The following PDZD9 variants were observed in gnomAD, a reference collection of about 807,000 sequenced individuals.
PDZD9 encodes PDZ domain containing 9.
Under a neutral mutation model 16.3 loss-of-function variants are expected in PDZD9, and 13 were observed. The ratio of observed to expected loss-of-function variants is 0.80; its 90% CI spans 0.52 to 1.27. The LOEUF (loss-of-function observed/expected upper bound fraction) is 1.27. Ranked by LOEUF, PDZD9 falls within the 50% of genes most tolerant of loss-of-function variation. The pLI is 0.00. For missense variants in PDZD9, 288 were observed against 310.9 expected (o/e 0.93, Z 0.55); for synonymous variants, 120 against 111.0 (o/e 1.08, Z -0.51).
At chr16:21,987,763 G>T (rs1898913988) in intron 3 of PDZD9, among the ~76,000 whole-genome samples, 1 of 152,136 alleles carries the variant, frequency 6.6e-6, no homozygotes, top group Non-Finnish European at 1.5e-5. Context: ...GATTGAAGTG[G>T]GTGGAGGAGT....
At chr16:21,973,151 T>C in the PDZD9 span, among the ~76,000 whole-genome samples, 1 of 152,286 alleles carries the variant, frequency 6.6e-6, no homozygotes, top group African/African-American at 2.4e-5. Flanking sequence ...CTTCTTATGC[T>C]TTACGTGGAC....
chr16:21,968,574 C>A, the PDZD9 span: 3 of 1,478,298 alleles, frequency 2.0e-6, no homozygotes, highest in Non-Finnish European at 2.7e-6. Flanking sequence ...TATGTTTTTA[C>A]AGCTTTTTAT....
chr16:21,999,596 T>C (rs1597985393), intron 1 of PDZD9: 1 of 152,228 alleles, frequency 6.6e-6, no homozygotes, highest in East Asian at 1.9e-4. Context: ...CAACCTCAAG[T>C]CTTATCAAAT....
chr16:21,971,821 A>G, the PDZD9 span: 1 of 1,535,968 alleles, frequency 6.5e-7, no homozygotes, highest in Admixed American at 1.7e-5. Flanking sequence ...GAGCTGCAGA[A>G]AAGACTCGTG....
chr16:22,000,957 G>T, intron 1 of PDZD9, 60 bp downstream of exon 1: 1 of 1,501,852 alleles, frequency 6.7e-7, no homozygotes, highest in South Asian at 1.2e-5. Flanking sequence ...TACAGAGGAG[G>T]AACATTGACG....
At chr16:21,962,879 C>T in the PDZD9 span, 1 of 1,613,890 alleles carries the variant, frequency 6.2e-7, no homozygotes, top group South Asian at 1.1e-5. Flanking sequence ...TCAGAATCCG[C>T]AGACTCGTAA....
At chr16:21,975,691 A>C in the PDZD9 span, among the ~76,000 whole-genome samples, 4 of 152,304 alleles carry the variant, frequency 2.6e-5, no homozygotes, top group South Asian at 2.1e-4. Flanking sequence ...TGTATGGATT[A>C]CTACTCTCTT....
chr16:21,992,908 T>A (rs1899057961), intron 2 of PDZD9, among the ~76,000 whole-genome samples: 1 of 151,948 alleles, frequency 6.6e-6, no homozygotes, highest in African/African-American at 2.4e-5. Flanking sequence ...ATCACGGGGG[T>A]GGTTTCCCCC....
At chr16:21,973,802 G>C in the PDZD9 span, 1 of 1,098,902 alleles carries the variant, frequency 9.1e-7, no homozygotes, top group South Asian at 1.4e-5. Flanking sequence ...TGTTTATACC[G>C]TGAAGGTCCA....
chr16:21,983,147 T>C (rs753006670), downstream of PDZD9: 1 of 1,614,116 alleles, frequency 6.2e-7, no homozygotes, highest in Admixed American at 1.7e-5. Context: ...ATTTGGGACA[T>C]ACACCTTTTG....
chr16:21,959,729 A>C, the PDZD9 span: 2 of 152,258 alleles, frequency 1.3e-5, no homozygotes, highest in Non-Finnish European at 2.9e-5. Context: ...GTAGCCTTAC[A>C]AAATGTATTT....
the PDZD9 span, among the ~76,000 whole-genome samples, chr16:21,977,744 G>A: frequency 2.0e-4 from 31 of 152,314 alleles, no homozygotes; most frequent in African/African-American, 7.0e-4. Flanking sequence ...TCCAGTGGTC[G>A]TTATGATCAT....
the PDZD9 span, among the ~76,000 whole-genome samples, chr16:21,971,151 T>C: frequency 2.0e-5 from 3 of 152,148 alleles, no homozygotes; most frequent in Non-Finnish European, 4.4e-5. Flanking sequence ...TAAATGGTGG[T>C]AGAGCCATAG....
the PDZD9 span, chr16:21,959,486 C>T: frequency 1.3e-5 from 2 of 158,352 alleles, no homozygotes; most frequent in Non-Finnish European, 2.8e-5. Context: ...TTCTAGTTCT[C>T]TTGCTACTCC....
the PDZD9 span, among the ~76,000 whole-genome samples, chr16:21,963,451 C>T: frequency 1.5e-3 from 220 of 150,938 alleles, no homozygotes; most frequent in African/African-American, 4.8e-3. Context: ...GTTTCCTTCC[C>T]AATGTTTTGT....
At chr16:21,971,980 G>A in the PDZD9 span, 1 of 1,614,194 alleles carries the variant, frequency 6.2e-7, no homozygotes, top group Non-Finnish European at 8.5e-7. Flanking sequence ...GTAGCAGAAA[G>A]TGCTGTCGCG....
chr16:21,993,111 C>T (rs912064258), intron 2 of PDZD9, among the ~76,000 whole-genome samples: 3 of 152,154 alleles, frequency 2.0e-5, no homozygotes, highest in Non-Finnish European at 4.4e-5. Flanking sequence ...AAACCTCCTT[C>T]ATTTATAAAT....
At position 21,988,523 on chromosome 16, in the gene PDZD9, T is replaced by G. The variant is rs9927436; in HGVS notation, c.401+79A>C. 6.9e-3 allele frequency: 7,961 copies of G among 1,154,314 alleles called. 413 individuals are homozygous for G. The African/African-American group carries it at 0.11, about 16-fold the overall frequency. The allele number at this position is 1,154,314 out of a possible 1,614,324, so 71.5% of individuals were successfully genotyped here. A position where few individuals can be genotyped will look rare whatever the true frequency, so the allele number is the denominator to read the frequency against. ...GTCATGATCCTTATCATTTGATAAT[T>G]GTCACATTAAACCATCTATGCCTCA... On this transcript the variant is annotated intron_variant, in intron 3 of 3. Coordinates refer to ENST00000424898, the MANE Select transcript of PDZD9 (RefSeq NM_001363519.1).
chr16:21,964,496 C>G, the PDZD9 span, among the ~76,000 whole-genome samples: 3 of 152,282 alleles, frequency 2.0e-5, no homozygotes, highest in African/African-American at 7.2e-5. Context: ...GCCCACTTCT[C>G]TTACTTTATG....
Sources: gnomAD v4.1 joint callset for allele counts (sites outside exome capture counted in the v4.1 genomes callset) on GRCh38, gnomAD v4.1.1 for gene constraint, MANE v1.5 for transcripts, NCBI Gene and HGNC (gene_info 2026-07-23, HGNC 2026-07-21) for gene names.